CFAP54: variants seen among roughly 807,000 people sequenced by gnomAD.
CFAP54 encodes cilia- and flagella-associated protein 54.
In CFAP54, 290 loss-of-function variants were observed where a neutral mutation model predicts 370.4. The ratio of observed to expected loss-of-function variants is 0.78; its 90% CI spans 0.71 to 0.86. The LOEUF (loss-of-function observed/expected upper bound fraction) is 0.86, where lower values mean the gene tolerates loss of function less well. CFAP54 is among the 40% of genes least tolerant of loss of function. CFAP54 has a pLI of 0.00. For missense variants in CFAP54, 3,399 were observed against 3,528.7 expected (o/e 0.96, Z 0.93); for synonymous variants, 1,206 against 1,236.5 (o/e 0.98, Z 0.52).
At chr12:96,757,697 G>C in intron 58 of CFAP54, 109 bp downstream of exon 58, 1 of 551,654 alleles carries the variant, frequency 1.8e-6, no homozygotes, top group Non-Finnish European at 3.1e-6. Context: ...GTGGCTTGGA[G>C]AAATTAATTC....
chr12:96,734,439 A>G (rs1313958343), intron 50 of CFAP54, among the ~76,000 whole-genome samples: 1 of 152,214 alleles, frequency 6.6e-6, no homozygotes, highest in Non-Finnish European at 1.5e-5. Context: ...TCCCTGGCCC[A>G]TAGCAGATGC....
At chr12:96,686,042 A>T (rs1957326838) in intron 42 of CFAP54, among the ~76,000 whole-genome samples, 1 of 152,158 alleles carries the variant, frequency 6.6e-6, no homozygotes, top group Non-Finnish European at 1.5e-5. Flanking sequence ...TACATGCTAT[A>T]CTGCATCAGT....
In CFAP54 at chr12:96,507,083, C is replaced by T; in HGVS notation, c.723C>T (p.Cys241=). The change falls in exon 4 of 68, where the codon TGC becomes TGT. Residue 241 remains cysteine (C), a synonymous_variant. Coordinates refer to ENST00000524981, the MANE Select transcript of CFAP54 (RefSeq NM_001306084.2). ...TGGCTCTGCCACAAGAGCATCTTTGCTGGATTATCTTCAATGGTATATGCT... is the reference window on the plus strand; with the variant it reads ...TGGCTCTGCCACAAGAGCATCTTTGTTGGATTATCTTCAATGGTATATGCT... ...MQVALPQEHL[C]WIIFNGTIYI... is the part of the protein sequence containing the mutation. 2 of 1,531,102 alleles carry T rather than the reference C, an allele frequency of 1.3e-6. No individual in the cohort carries two copies. The highest frequency in any genetic ancestry group is 1.7e-6 in the Non-Finnish European group (2 of 1,145,532). 94.8% of individuals were successfully genotyped at this position (1,531,102 alleles called of 1,614,324 possible). A position where few individuals can be genotyped will look rare whatever the true frequency, so the allele number is the denominator to read the frequency against.
chr12:96,700,533 T>A (rs958076763), intron 46 of CFAP54, among the ~76,000 whole-genome samples: 1 of 152,224 alleles, frequency 6.6e-6, no homozygotes, highest in East Asian at 1.9e-4. Flanking sequence ...TTCAAATTTC[T>A]TCTGATTTCT....
chr12:96,535,434 T>G, intron 11 of CFAP54, 81 bp from the exon 12 acceptor site: 3 of 813,374 alleles, frequency 3.7e-6, no homozygotes, highest in Non-Finnish European at 6.0e-6. Flanking sequence ...TTTTTTAGCA[T>G]ATTTGTGTTT....
In CFAP54 at chr12:96,624,975, A is replaced by G. The variant is rs903446850; in HGVS notation, c.3887-743A>G. On this transcript the variant is annotated intron_variant, in intron 28 of 67. Transcript: ENST00000524981. The stretch of plus-strand genomic sequence containing the variant: ...CTAGAAATGTGAATTATTTATTTTC[A>G]TAATATCAGTAAAAATATTTTACCA... Among the ~76,000 whole-genome samples the G allele has an allele frequency of 5.3e-5, 8 of 152,334 alleles. No individual in the cohort carries two copies. In the East Asian group the frequency reaches 1.3e-3, roughly 26 times the overall value.
chr12:96,853,435 C>G (rs1470456478), intron 66 of CFAP54, among the ~76,000 whole-genome samples: 1 of 151,958 alleles, frequency 6.6e-6, no homozygotes, highest in African/African-American at 2.4e-5. Flanking sequence ...TATTTCTTGA[C>G]CTGGGTGATG....
Position 96,534,232 on chromosome 12 carries a change from GTATT to G in CFAP54, c.1705+11_1705+14del, listed in dbSNP as rs1241949074. 13 of 1,378,866 alleles carry G rather than the reference GTATT, an allele frequency of 9.4e-6. No homozygotes were observed. The highest frequency in any genetic ancestry group is 4.4e-5 in the African/African-American group (3 of 68,666). 85.4% of individuals were successfully genotyped at this position (1,378,866 alleles called of 1,614,324 possible). A position where few individuals can be genotyped will look rare whatever the true frequency, so the allele number is the denominator to read the frequency against. On this transcript the variant is annotated splice_donor_region_variant and intron_variant, in intron 11 of 67. Coordinates refer to ENST00000524981, the MANE Select transcript of CFAP54 (RefSeq NM_001306084.2). ...TAAAAAAAATTGCTGTTCATGGTAA[GTATT>G]TATTTGTTTGTTCAAAAAATTTAGT...
chr12:96,681,122 CA>C lies in CFAP54; in HGVS notation c.5716+1371del, dbSNP rs1466801760. ...AACAAAACAGAAAAGCACCCCCCCA[CA>C]CACACACACAAAAAGTGGGTAAGGG... On this transcript the variant is annotated intron_variant, in intron 40 of 67. Coordinates refer to ENST00000524981, the MANE Select transcript of CFAP54 (RefSeq NM_001306084.2). 1.8e-3 allele frequency among the ~76,000 whole-genome samples: 154 copies of C among 84,732 alleles called. 3 individuals carry two copies. The South Asian group carries it at 0.027, about 15-fold the overall frequency. 55.6% of individuals were successfully genotyped at this position (84,732 alleles called of 152,430 possible).
intron 53 of CFAP54, 22 bp downstream of exon 53, chr12:96,743,581 T>C: frequency 6.2e-7 from 1 of 1,613,686 alleles, no homozygotes; most frequent in Non-Finnish European, 8.5e-7. Context: ...ACTTTGTTCG[T>C]ATTTATAGTC....
At chr12:96,795,588 C>T (rs1333972216) in intron 63 of CFAP54, among the ~76,000 whole-genome samples, 1 of 151,874 alleles carries the variant, frequency 6.6e-6, no homozygotes, top group Admixed American at 6.6e-5. Flanking sequence ...CAGGCCTCAC[C>T]CAGCTCCCAC....
At chr12:96,588,562 T>C (rs1205589161) in intron 22 of CFAP54, among the ~76,000 whole-genome samples, 1 of 152,212 alleles carries the variant, frequency 6.6e-6, no homozygotes, top group Non-Finnish European at 1.5e-5. Flanking sequence ...ATCATGAGTA[T>C]TCATTGGCAG....
chr12:96,776,927 C>G (rs75497372), intron 60 of CFAP54, among the ~76,000 whole-genome samples: 3 of 152,108 alleles, frequency 2.0e-5, no homozygotes, highest in Non-Finnish European at 4.4e-5. Context: ...TCAGAAAATT[C>G]TAAGTATTGA....
intron 33 of CFAP54, among the ~76,000 whole-genome samples, chr12:96,644,649 A>G (rs1956769606): frequency 6.6e-6 from 1 of 152,218 alleles, no homozygotes; most frequent in Non-Finnish European, 1.5e-5. Flanking sequence ...AAGAAACGTA[A>G]TCATGGTAGA....
rs117391579 is a variant in CFAP54 at position 96,828,448 on chromosome 12, T to A, written c.9097-566T>A. 2.0e-5 allele frequency among the ~76,000 whole-genome samples: 3 copies of A among 152,186 alleles called. No homozygotes were observed. The East Asian group carries it at 5.8e-4, about 29-fold the overall frequency. Reference sequence around the variant, plus strand: ...TGGCCTAATGGCTGCCTTCTCCAACTCCGCATGTGGACCTTTCAGCTCATG... The same window carrying A: ...TGGCCTAATGGCTGCCTTCTCCAACACCGCATGTGGACCTTTCAGCTCATG... On this transcript the variant is annotated intron_variant, in intron 65 of 67. Coordinates refer to ENST00000524981, the MANE Select transcript of CFAP54 (RefSeq NM_001306084.2).
At chr12:96,633,628 T>G (rs1956632351) in intron 32 of CFAP54, among the ~76,000 whole-genome samples, 1 of 152,230 alleles carries the variant, frequency 6.6e-6, no homozygotes, top group African/African-American at 2.4e-5. Context: ...TATTATTGCT[T>G]AGTAGTATTC....
intron 66 of CFAP54, among the ~76,000 whole-genome samples, chr12:96,852,595 C>T (rs920205515): frequency 6.6e-6 from 1 of 151,940 alleles, no homozygotes; most frequent in African/African-American, 2.4e-5. Flanking sequence ...TCTTCATGAC[C>T]TTGGTGTTAG....
intron 57 of CFAP54, 96 bp from the exon 58 acceptor site, chr12:96,757,399 T>G: frequency 3.2e-6 from 2 of 615,392 alleles, no homozygotes; most frequent in East Asian, 6.2e-5. Flanking sequence ...GTTTTGCCAG[T>G]TTTTACCTTT....
At chr12:96,737,025 T>C (rs1252641647) in intron 50 of CFAP54, among the ~76,000 whole-genome samples, 2 of 152,178 alleles carry the variant, frequency 1.3e-5, no homozygotes, top group Admixed American at 6.5e-5. Context: ...ATCTGGAAAA[T>C]AGGGATGATA....
Sources: allele counts gnomAD v4.1 joint callset (sites outside exome capture counted in the v4.1 genomes callset), GRCh38; gene constraint gnomAD v4.1.1; transcripts MANE v1.5; gene names NCBI Gene and HGNC (gene_info 2026-07-23, HGNC 2026-07-21).